The following ZFPM2 variants were observed in gnomAD, a reference collection of about 807,000 sequenced individuals.
ZFPM2 encodes zinc finger protein, FOG family member 2, also known as zinc finger protein ZFPM2.
ZFPM2 carries 20 observed loss-of-function variants against 98.6 expected under a neutral mutation model. The observed-to-expected ratio is 0.20, with a 90% CI of 0.14 to 0.29. The LOEUF is 0.29. ZFPM2 is among the 10% of genes least tolerant of loss of function. ZFPM2 has a pLI of 1.00. For synonymous variants in ZFPM2, 518 were observed against 502.7 expected (o/e 1.03, Z -0.41); for missense variants, 1,310 against 1,388.6 (o/e 0.94, Z 0.90).
intron 4 of ZFPM2, among the ~76,000 whole-genome samples, chr8:105,569,866 T>C (rs931846346): frequency 6.6e-5 from 10 of 152,096 alleles, no homozygotes; most frequent in African/African-American, 2.4e-4. Flanking sequence ...TCGCCCACTG[T>C]GAGCAATTTT....
intron 5 of ZFPM2, among the ~76,000 whole-genome samples, chr8:105,656,542 C>T (rs1817289454): frequency 6.6e-6 from 1 of 152,132 alleles, no homozygotes; most frequent in Non-Finnish European, 1.5e-5. Flanking sequence ...AGATGAGTCC[C>T]AAACTGTGCC....
At chr8:105,504,216 T>C (rs775659028) in intron 3 of ZFPM2, among the ~76,000 whole-genome samples, 2 of 152,192 alleles carry the variant, frequency 1.3e-5, no homozygotes, top group African/African-American at 2.4e-5. Flanking sequence ...GAGGATATTA[T>C]CATCTTGTCT....
rs867580411 is a variant in ZFPM2 at position 105,380,688 on chromosome 8, T to A, written c.41-38456T>A. ...TATAACATATATATTATATATATAT[T>A]ATATATAACATATATAATATATATA... On this transcript the variant is annotated intron_variant, in intron 1 of 7. Coordinates refer to ENST00000407775, the MANE Select transcript of ZFPM2 (RefSeq NM_012082.4). Among the ~76,000 whole-genome samples, 37 of 14,938 alleles carry A rather than the reference T, an allele frequency of 2.5e-3. 2 individuals are homozygous for A. The highest frequency in any genetic ancestry group is 0.012 in the South Asian group (6 of 510). 9.8% of individuals were successfully genotyped at this position (14,938 alleles called of 152,430 possible).
intron 1 of ZFPM2, among the ~76,000 whole-genome samples, chr8:105,375,404 G>A (rs1403916524): frequency 2.0e-5 from 3 of 152,162 alleles, no homozygotes; most frequent in African/African-American, 7.2e-5. Context: ...TCCTTAGGAA[G>A]GGAAAAGATA....
chr8:105,652,339 T>C lies in ZFPM2; in HGVS notation c.532+17982T>C, dbSNP rs192132653. Among the ~76,000 whole-genome samples the C allele has an allele frequency of 2.7e-5, 3 of 111,022 alleles. No homozygotes were observed. In the East Asian group the frequency reaches 8.2e-4, roughly 30 times the overall value. 72.8% of individuals were successfully genotyped at this position (111,022 alleles called of 152,430 possible). On this transcript the variant is annotated intron_variant, in intron 5 of 7. Transcript: ENST00000407775. ...AAAACGTCACCTTATATGCCTGACA[T>C]ACAGTAGTACTTCAGAGAAGTTGTA...
At chr8:105,386,535 T>C (rs546024291) in intron 1 of ZFPM2, among the ~76,000 whole-genome samples, 20 of 152,290 alleles carry the variant, frequency 1.3e-4, no homozygotes, top group African/African-American at 4.3e-4. Flanking sequence ...GGTGGGTTCA[T>C]GGTCTCGCTG....
At chr8:105,442,053 G>A (rs1213753023) in intron 2 of ZFPM2, among the ~76,000 whole-genome samples, 1 of 152,056 alleles carries the variant, frequency 6.6e-6, no homozygotes, top group East Asian at 1.9e-4. Flanking sequence ...AAAACTTGGG[G>A]CCGGGCGCGG....
At chr8:105,623,033 G>A (rs149967031) in intron 4 of ZFPM2, among the ~76,000 whole-genome samples, 8 of 152,086 alleles carry the variant, frequency 5.3e-5, no homozygotes, top group African/African-American at 1.9e-4. Context: ...TTGAATTGAT[G>A]GAAGAAGTTT....
intron 2 of ZFPM2, among the ~76,000 whole-genome samples, chr8:105,435,674 A>T (rs1240553554): frequency 1.3e-5 from 2 of 152,166 alleles, no homozygotes; most frequent in Non-Finnish European, 2.9e-5. Context: ...AGTAAAAAAA[A>T]ATGTTGGTCA....
intron 6 of ZFPM2, among the ~76,000 whole-genome samples, chr8:105,794,172 T>A (rs1813716141): frequency 6.6e-6 from 1 of 152,166 alleles, no homozygotes; most frequent in Admixed American, 6.5e-5. Flanking sequence ...GTTTCCAGTT[T>A]TTCTGCTTTG....
intron 5 of ZFPM2, among the ~76,000 whole-genome samples, chr8:105,682,955 T>G (rs1355568557): frequency 2.0e-5 from 3 of 152,058 alleles, no homozygotes; most frequent in Admixed American, 6.6e-5. Context: ...CAACAGAAAT[T>G]TATTTCTTAC....
chr8:105,421,141 A>G (rs572499725), intron 2 of ZFPM2, among the ~76,000 whole-genome samples: 30 of 152,280 alleles, frequency 2.0e-4, no homozygotes, highest in African/African-American at 7.2e-4. Flanking sequence ...AGCTATACTA[A>G]TCAGAGTCTT....
intron 1 of ZFPM2, among the ~76,000 whole-genome samples, chr8:105,368,810 G>A (rs927108263): frequency 1.3e-5 from 2 of 152,082 alleles, no homozygotes; most frequent in African/African-American, 4.8e-5. Flanking sequence ...CCATCAGAGT[G>A]CCTGGTGCAT....
At chr8:105,660,369 A>AGCCC (rs1817364399) in intron 5 of ZFPM2, among the ~76,000 whole-genome samples, 1 of 152,288 alleles carries the variant, frequency 6.6e-6, no homozygotes, top group South Asian at 2.1e-4. Flanking sequence ...TTGTCATGCA[A>AGCCC]GCCCAGAATA....
intron 5 of ZFPM2, among the ~76,000 whole-genome samples, chr8:105,646,912 C>T (rs7835886): frequency 0.47 from 71,009 of 151,946 alleles, 16,803 homozygotes; most frequent in African/African-American, 0.53. Context: ...AGGCTCTATA[C>T]GCCAGTTTTC....
intron 3 of ZFPM2, among the ~76,000 whole-genome samples, chr8:105,494,192 T>TATATATATATATAC (rs2130443345): frequency 1.2e-5 from 1 of 82,534 alleles, no homozygotes; most frequent in South Asian, 3.4e-4. Context: ...AGTATATATA[T>TATATATATATATAC]ATATATATAT....
At chr8:105,711,557 A>G (rs1349425308) in intron 5 of ZFPM2, among the ~76,000 whole-genome samples, 1 of 152,014 alleles carries the variant, frequency 6.6e-6, no homozygotes, top group African/African-American at 2.4e-5. Flanking sequence ...ACTTGTTACT[A>G]ATTTATATAT....
chr8:105,442,725 A>T (rs1325451278), intron 2 of ZFPM2, among the ~76,000 whole-genome samples: 1 of 152,140 alleles, frequency 6.6e-6, no homozygotes, highest in Non-Finnish European at 1.5e-5. Flanking sequence ...CCTTACCTTT[A>T]TTACAGATTT....
chr8:105,652,913 A>T, intron 5 of ZFPM2, among the ~76,000 whole-genome samples: 1 of 152,174 alleles, frequency 6.6e-6, no homozygotes, highest in African/African-American at 2.4e-5. Flanking sequence ...GTAAAATAGC[A>T]ATAAGTCTTC....
Sources: gnomAD v4.1 joint callset for allele counts (sites outside exome capture counted in the v4.1 genomes callset) on GRCh38, gnomAD v4.1.1 for gene constraint, MANE v1.5 for transcripts, NCBI Gene and HGNC (gene_info 2026-07-23, HGNC 2026-07-21) for gene names.